Variants in UNC5D observed in about 807,000 individuals in gnomAD.
The protein encoded by UNC5D is unc-5 netrin receptor D.
A neutral mutation model predicts 105.4 loss-of-function variants in UNC5D; 39 were observed. That is an observed-to-expected ratio of 0.37 (90% CI 0.29 to 0.48). The LOEUF (loss-of-function observed/expected upper bound fraction) is 0.48. Among genes scored for constraint, UNC5D ranks in the 20% least tolerant of loss-of-function variants. UNC5D has a pLI of 0.98. For missense variants in UNC5D, 991 were observed against 1,202.4 expected, an observed-to-expected ratio of 0.82 and a Z score of 2.60; for synonymous variants, 452 against 450.4, an observed-to-expected ratio of 1.00 and a Z score of -0.04.
intron 11 of UNC5D, among the ~76,000 whole-genome samples, chr8:35,732,863 A>C (rs1829271189): frequency 6.6e-6 from 1 of 152,148 alleles, no homozygotes; most frequent in South Asian, 2.1e-4. Flanking sequence ...ACTTACCTGC[A>C]ATTTTAAAGT....
intron 1 of UNC5D, among the ~76,000 whole-genome samples, chr8:35,433,503 A>G (rs73672295): frequency 1.3e-5 from 2 of 152,024 alleles, no homozygotes; most frequent in African/African-American, 4.8e-5. Context: ...TCCCCCTTCA[A>G]AAAAAATAAT....
intron 4 of UNC5D, among the ~76,000 whole-genome samples, chr8:35,648,836 T>C (rs1295554074): frequency 6.6e-6 from 1 of 152,148 alleles, no homozygotes; most frequent in Non-Finnish European, 1.5e-5. Flanking sequence ...ATCAATGGCA[T>C]TCATTACACC....
At chr8:35,529,383 G>A in intron 1 of UNC5D, among the ~76,000 whole-genome samples, 1 of 145,422 alleles carries the variant, frequency 6.9e-6, no homozygotes. Flanking sequence ...ATTTCTGAGG[G>A]CTCTGTTCTG....
intron 1 of UNC5D, among the ~76,000 whole-genome samples, chr8:35,408,351 A>C (rs1030950412): frequency 3.3e-5 from 5 of 151,660 alleles, no homozygotes; most frequent in African/African-American, 1.2e-4. Flanking sequence ...GATGATGTAG[A>C]TATGACAATC....
intron 2 of UNC5D, among the ~76,000 whole-genome samples, chr8:35,566,939 C>T (rs2579897): frequency 0.38 from 57,338 of 151,950 alleles, 11,522 homozygotes; most frequent in African/African-American, 0.52. Flanking sequence ...CCCCTTCCAT[C>T]CTTGGTACAG....
intron 7 of UNC5D, among the ~76,000 whole-genome samples, chr8:35,688,189 C>T (rs2131360962): frequency 6.6e-6 from 1 of 151,458 alleles, no homozygotes; most frequent in Non-Finnish European, 1.5e-5. Flanking sequence ...AGACTGAGCA[C>T]TTACTTCTCT....
Position 35,790,622 on chromosome 8 carries a change from G to A in UNC5D, c.*59G>A. The stretch of plus-strand genomic sequence containing the variant: ...GCTTGGGGACATTTGCTTTAAATGG[G>A]AAAGAGGCCGCTTTCTGCCCAGTGG... On this transcript the variant is annotated 3_prime_UTR_variant, in exon 17 of 17. Coordinates refer to ENST00000404895, the MANE Select transcript of UNC5D (RefSeq NM_080872.4). The A allele has an allele frequency of 6.3e-7, 1 of 1,582,396 alleles. No individual in the cohort carries two copies. The highest frequency in any genetic ancestry group is 8.6e-7 in the Non-Finnish European group (1 of 1,157,362).
intron 1 of UNC5D, among the ~76,000 whole-genome samples, chr8:35,345,293 T>C (rs1811727675): frequency 6.6e-6 from 1 of 151,976 alleles, no homozygotes; most frequent in African/African-American, 2.4e-5. Flanking sequence ...TGACCCCTTT[T>C]GCTTGCATCG....
At chr8:35,409,298 A>G (rs1805004808) in intron 1 of UNC5D, among the ~76,000 whole-genome samples, 1 of 152,054 alleles carries the variant, frequency 6.6e-6, no homozygotes, top group African/African-American at 2.4e-5. Context: ...GTAACAAGAA[A>G]TTTAGCAACT....
intron 1 of UNC5D, among the ~76,000 whole-genome samples, chr8:35,475,272 C>T (rs529447985): frequency 6.6e-6 from 1 of 152,284 alleles, no homozygotes; most frequent in East Asian, 1.9e-4. Flanking sequence ...AGAGCCAGGT[C>T]TGTGTCTGCT....
In UNC5D at chr8:35,273,715, G is replaced by A. The variant is rs1805580884; in HGVS notation, c.103+37828G>A. ...CTCATATCATAACCACTCTAGGATG[G>A]TAATATTTGAAAATTCTTGCCACTT... On this transcript the variant is annotated intron_variant, in intron 1 of 16. Coordinates refer to ENST00000404895, the MANE Select transcript of UNC5D (RefSeq NM_080872.4). Among the ~76,000 whole-genome samples, 3 of 152,144 alleles carry A rather than the reference G, an allele frequency of 2.0e-5. No homozygotes were observed. In the South Asian group the frequency reaches 6.2e-4, roughly 32 times the overall value.
chr8:35,445,518 T>C (rs1807720356), intron 1 of UNC5D, among the ~76,000 whole-genome samples: 1 of 152,078 alleles, frequency 6.6e-6, no homozygotes, highest in South Asian at 2.1e-4. Flanking sequence ...GTTGGTACTA[T>C]TATGTGCCAT....
chr8:35,686,686 G>A lies in UNC5D; in HGVS notation c.1061G>A (p.Cys354Tyr). 1 of 1,601,520 alleles carries A rather than the reference G, an allele frequency of 6.2e-7. No homozygotes were observed. Among genetic ancestry groups the A allele is most frequent in the Non-Finnish European group, 8.5e-7 (1 of 1,175,890 alleles). Reference protein sequence around the residue: ...CEGLSQESENCTDGLCILDKK... With the variant: ...CEGLSQESENYTDGLCILDKK... ...GGTCTAAGCCAGGAATCTGAAAACT[G>A]CACAGATGGTCTTTGCATCCTAGGT... Residue 354 changes from cysteine (C) to tyrosine (Y), a missense_variant, in exon 7 of 17, where the codon TGC becomes TAC. Coordinates refer to ENST00000404895, the MANE Select transcript of UNC5D (RefSeq NM_080872.4).
intron 11 of UNC5D, 117 bp from the exon 12 acceptor site, chr8:35,748,410 C>G (rs1830105287): frequency 9.2e-7 from 1 of 1,090,516 alleles, no homozygotes; most frequent in Non-Finnish European, 1.3e-6. Flanking sequence ...AAAAGAAAAT[C>G]CTGGAAAGGA....
chr8:35,790,296 C>G, intron 16 of UNC5D, 63 bp from the exon 17 acceptor site: 1 of 1,487,414 alleles, frequency 6.7e-7, no homozygotes, highest in Non-Finnish European at 9.4e-7. Context: ...TTATGGTGAT[C>G]AGTGTTTATT....
intron 7 of UNC5D, among the ~76,000 whole-genome samples, chr8:35,693,701 C>T (rs1163844677): frequency 6.6e-6 from 1 of 152,090 alleles, no homozygotes; most frequent in East Asian, 1.9e-4. Flanking sequence ...ACGATATCTC[C>T]TTCTACCTAC....
chr8:35,633,609 G>A (rs1157253850), intron 4 of UNC5D, among the ~76,000 whole-genome samples: 1 of 151,980 alleles, frequency 6.6e-6, no homozygotes, highest in Non-Finnish European at 1.5e-5. Flanking sequence ...TTTTAAATTA[G>A]CAAGACATGG....
chr8:35,356,555 T>C (rs555250209), intron 1 of UNC5D, among the ~76,000 whole-genome samples: 5 of 152,182 alleles, frequency 3.3e-5, no homozygotes, highest in African/African-American at 4.8e-5. Context: ...CATGAATTTC[T>C]TTTTCCTTGA....
intron 1 of UNC5D, among the ~76,000 whole-genome samples, chr8:35,537,098 C>A (rs985551399): frequency 2.0e-5 from 3 of 151,976 alleles, no homozygotes; most frequent in African/African-American, 4.8e-5. Context: ...ATTATGTTTT[C>A]TTTTTAGATA....
Sources: gnomAD v4.1 joint callset for allele counts (sites outside exome capture counted in the v4.1 genomes callset) on GRCh38, gnomAD v4.1.1 for gene constraint, MANE v1.5 for transcripts, NCBI Gene and HGNC (gene_info 2026-07-23, HGNC 2026-07-21) for gene names.